POU2F2: variants seen among roughly 807,000 people sequenced by gnomAD.
POU2F2 encodes the protein POU class 2 homeobox 2.
POU2F2 carries 14 observed loss-of-function variants against 63.5 expected under a neutral mutation model. The ratio of observed to expected loss-of-function variants is 0.22; its 90% CI spans 0.15 to 0.34. The LOEUF is 0.34. Among genes scored for constraint, POU2F2 ranks in the 10% least tolerant of loss-of-function variants. The pLI is 1.00. For missense variants in POU2F2, 607 were observed against 815.2 expected (o/e 0.74, Z 3.11); for synonymous variants, 306 against 348.6 (o/e 0.88, Z 1.36).
At position 42,155,611 on chromosome 19, in the gene POU2F2, G is replaced by A. The variant is rs567264341; in HGVS notation, c.-9+4721C>T. 1 of 152,374 alleles carries A rather than the reference G, an allele frequency of 6.6e-6. No homozygotes were observed. Among genetic ancestry groups the A allele is most frequent in the South Asian group, 2.1e-4 (1 of 4,832 alleles). The allele number at this position is 152,374 out of a possible 1,614,324, so 9.4% of individuals were successfully genotyped here. On this transcript the variant is annotated intron_variant, in intron 2 of 6. Coordinates refer to the POU2F2 transcript ENST00000524801. This position sits in a 1 kb window ranked among gnomAD's most constrained non-coding sequence, Gnocchi z 4.2. ...TGTAAAGGACCTCAGAAGCTGTCCT[G>A]GAGTGCTAGGAGTGGGTGAATACTT...
At chr19:42,197,476 A>G (rs891525773), upstream of POU2F2, among the ~76,000 whole-genome samples, 3 of 152,148 alleles carry the variant, frequency 2.0e-5, no homozygotes, top group Non-Finnish European at 4.4e-5. Flanking sequence ...AGACGGGTCG[A>G]AATTCCAGAA....
chr19:42,137,360 T>A (rs1365130685), upstream of POU2F2, among the ~76,000 whole-genome samples: 6 of 150,782 alleles, frequency 4.0e-5, no homozygotes, highest in Non-Finnish European at 7.4e-5. Flanking sequence ...AATAAATAAA[T>A]AAAATAAAAA....
rs779669015 is a variant in POU2F2, at chr19:42,095,937, A to G, written c.730-8T>C. 8.2e-6 allele frequency: 13 copies of G among 1,592,388 alleles called. No homozygotes were observed. The highest frequency in any genetic ancestry group is 4.6e-5 in the East Asian group (2 of 43,048). On this transcript the variant is annotated splice_region_variant and splice_polypyrimidine_tract_variant and intron_variant, in intron 8 of 14. Transcript: ENST00000692977. This position sits in a 1 kb window ranked among gnomAD's most constrained non-coding sequence, Gnocchi z 7.1. Reference sequence around the variant, plus strand: ...GGCCAGGCCCACATCACCCTGGGCCAGTGGGGCGGGGAAGGGCCCGAAGTC... The same window carrying G: ...GGCCAGGCCCACATCACCCTGGGCCGGTGGGGCGGGGAAGGGCCCGAAGTC...
chr19:42,101,218 G>A (rs535240873), intron 5 of POU2F2, among the ~76,000 whole-genome samples: 22 of 152,154 alleles, frequency 1.4e-4, no homozygotes, highest in East Asian at 1.9e-4. Context: ...CAACCACTCC[G>A]GGAAGCTCTT....
chr19:42,132,539 G>C, upstream of POU2F2: 4 of 880,576 alleles, frequency 4.5e-6, no homozygotes. Context: ...CTTCAGAAGG[G>C]AAAATACCCT....
chr19:42,168,820 G>A (rs1431248251), intron 1 of POU2F2, among the ~76,000 whole-genome samples: 1 of 152,214 alleles, frequency 6.6e-6, no homozygotes, highest in Admixed American at 6.5e-5. Flanking sequence ...TGTGCCTGAT[G>A]TCAAGCTTAA....
intron 1 of POU2F2, among the ~76,000 whole-genome samples, chr19:42,183,995 AT>A (rs577786741): frequency 0.1 from 12,681 of 125,720 alleles, 402 homozygotes; most frequent in Middle Eastern, 0.17. Context: ...ACGACTGGGG[AT>A]TTTTTTTTTT....
chr19:42,097,567 T>C (rs1472889333), intron 7 of POU2F2, among the ~76,000 whole-genome samples: 1 of 151,922 alleles, frequency 6.6e-6, no homozygotes, highest in Non-Finnish European at 1.5e-5. Flanking sequence ...CCCAATACTT[T>C]AGGAAGCCAA....
In POU2F2 at chr19:42,095,382, G is replaced by A. The variant is rs369799078; in HGVS notation, c.1101C>T (p.Phe367=). 21 of 1,613,888 alleles carry A rather than the reference G, an allele frequency of 1.3e-5. No homozygotes were observed. The African/African-American group carries it at 2.8e-4, about 22-fold the overall frequency. The change falls in exon 11 of 15, where the codon TTC becomes TTT. Residue 367 remains phenylalanine (F), a synonymous_variant. Coordinates refer to ENST00000692977, the MANE Select transcript of POU2F2 (RefSeq NM_001394376.1). The surrounding 1 kb of genome is among the most constrained non-coding windows in gnomAD (Gnocchi z 7.1). ...HMEKEVIRVW[F]CNRRQKEKRI... The stretch of plus-strand genomic sequence containing the variant: ...GTTTCTCCTTCTGGCGCCGGTTGCA[G>A]AACCAGACGCGGATCACTTCCTTCT...
intron 2 of POU2F2, among the ~76,000 whole-genome samples, chr19:42,150,137 C>T (rs1347678847): frequency 6.6e-6 from 1 of 152,052 alleles, no homozygotes; most frequent in Admixed American, 6.5e-5. Context: ...CCTCCCTCAA[C>T]CTGTGGCCAT....
chr19:42,114,580 T>A (rs1322542421), intron 5 of POU2F2, among the ~76,000 whole-genome samples: 1 of 152,004 alleles, frequency 6.6e-6, no homozygotes, highest in Non-Finnish European at 1.5e-5. Context: ...GAGTCTCTGG[T>A]GGCCGGGGTG....
At chr19:42,116,801 C>G (rs1030202539) in intron 5 of POU2F2, 11 of 372,916 alleles carry the variant, frequency 2.9e-5, no homozygotes, top group Non-Finnish European at 4.8e-5. Flanking sequence ...TCACCCCCCC[C>G]AGAGGAGGCT....
intron 2 of POU2F2, among the ~76,000 whole-genome samples, chr19:42,148,452 C>G (rs2034275582): frequency 6.6e-6 from 1 of 152,196 alleles, no homozygotes; most frequent in South Asian, 2.1e-4. Flanking sequence ...AGGGATCTCT[C>G]TAACACAGAG....
intron 2 of POU2F2, among the ~76,000 whole-genome samples, chr19:42,138,171 C>T (rs1208073134): frequency 6.6e-6 from 1 of 152,128 alleles, no homozygotes; most frequent in African/African-American, 2.4e-5. Flanking sequence ...GTGTGGGGGT[C>T]AGCGTGAGGA....
intron 1 of POU2F2, among the ~76,000 whole-genome samples, chr19:42,182,239 C>CG: frequency 3.2e-5 from 2 of 62,304 alleles, no homozygotes; most frequent in Admixed American, 3.6e-4. Flanking sequence ...GACTCTGTCT[C>CG]AAAAGAGAGA....
At chr19:42,106,043 CT>C (rs1223508466) in intron 5 of POU2F2, among the ~76,000 whole-genome samples, 1 of 132,712 alleles carries the variant, frequency 7.5e-6, no homozygotes, top group Non-Finnish European at 1.6e-5. Flanking sequence ...TTCTTTCTTT[CT>C]TTCTTTCTTC....
chr19:42,186,632 G>A (rs2146821129), intron 1 of POU2F2, among the ~76,000 whole-genome samples: 1 of 152,158 alleles, frequency 6.6e-6, no homozygotes, highest in Non-Finnish European at 1.5e-5. Context: ...GGACAAGAAT[G>A]AAAGCAGGAA....
chr19:42,157,854 G>A (rs1159103608), intron 2 of POU2F2, among the ~76,000 whole-genome samples: 6 of 152,098 alleles, frequency 3.9e-5, no homozygotes, highest in African/African-American at 1.2e-4. Context: ...TTGGAGGAAG[G>A]GCCAGAAGGG....
chr19:42,146,046 A>AG (rs201741877), intron 2 of POU2F2, among the ~76,000 whole-genome samples: 12,784 of 150,660 alleles, frequency 0.085, 782 homozygotes, highest in Middle Eastern at 0.19. Flanking sequence ...AAAAAAAAAA[A>AG]AAAAAAGAAA....
Sources: allele counts gnomAD v4.1 joint callset (sites outside exome capture counted in the v4.1 genomes callset), GRCh38; gene constraint gnomAD v4.1.1; non-coding constraint Gnocchi (gnomAD v3.1); transcripts MANE v1.5; gene names NCBI Gene and HGNC (gene_info 2026-07-23, HGNC 2026-07-21).